ARHGEF2: variants seen among roughly 807,000 people sequenced by gnomAD.
ARHGEF2 encodes Rho/Rac guanine nucleotide exchange factor 2, also known as rho guanine nucleotide exchange factor 2.
ARHGEF2 carries 22 observed loss-of-function variants against 121.0 expected under a neutral mutation model. The ratio of observed to expected loss-of-function variants is 0.18; its 90% confidence interval spans 0.13 to 0.26. The LOEUF is 0.26. Among genes scored for constraint, ARHGEF2 ranks in the 10% least tolerant of loss-of-function variants. The pLI is 1.00. For missense variants in ARHGEF2, 907 were observed against 1,336.0 expected, an observed-to-expected ratio of 0.68 and a Z score of 5.01; for synonymous variants, 487 against 530.0, an observed-to-expected ratio of 0.92 and a Z score of 1.11.
intron 1 of ARHGEF2, among the ~76,000 whole-genome samples, chr1:155,972,876 A>T (rs939967677): frequency 6.6e-6 from 1 of 151,260 alleles, no homozygotes; most frequent in African/African-American, 2.4e-5. Flanking sequence ...TAATTTTTAA[A>T]TTTTTTTTGT....
At chr1:155,948,920 T>C (rs1319926768) in intron 21 of ARHGEF2, among the ~76,000 whole-genome samples, 1 of 152,130 alleles carries the variant, frequency 6.6e-6, no homozygotes, top group Non-Finnish European at 1.5e-5. Flanking sequence ...TAGCTAGGAC[T>C]ACAGGCTCAC....
rs1558011605 is a variant in ARHGEF2 at position 155,957,776 on chromosome 1, A to G, written c.1652T>C (p.Val551Ala). The G allele has an allele frequency of 6.2e-7, 1 of 1,614,104 alleles. No homozygotes were observed. The highest frequency in any genetic ancestry group is 1.1e-5 in the South Asian group (1 of 91,080). ...ISAAPPEMYE[V>A]HTASRDDRST... ...CCGGTCATCCCGGGATGCTGTGTGC[A>G]CCTCGTACATCTCAGGTGGGGCTGC... Residue 551 changes from valine (V) to alanine (A), a missense_variant, in exon 13 of 22, where the codon GTG becomes GCG. This residue lies in a region of ARHGEF2 where 475 missense variants were observed against 776.5 expected (regional missense o/e 0.61). Coordinates refer to ENST00000361247, the MANE Select transcript of ARHGEF2 (RefSeq NM_001162383.2).
upstream of ARHGEF2, chr1:155,978,978 C>T (rs745908630): frequency 1.0e-6 from 1 of 985,730 alleles, no homozygotes; most frequent in South Asian, 4.7e-5. This position sits in a 1 kb window ranked among gnomAD's most constrained non-coding sequence, Gnocchi z 4.1. Context: ...AAACCCAGGA[C>T]CAGTTCCTTC....
upstream of ARHGEF2, chr1:155,979,060 C>T (rs577847836): frequency 2.6e-3 from 2,605 of 985,748 alleles, 1 homozygote; most frequent in Non-Finnish European, 2.9e-3. Context: ...CAGGGGTGGC[C>T]AGAGGGAGAG....
intron 2 of ARHGEF2, chr1:155,968,264 C>T (rs1013486976): frequency 2.6e-5 from 4 of 151,632 alleles, no homozygotes; most frequent in Non-Finnish European, 4.4e-5. Flanking sequence ...GACAAAGCTC[C>T]CACAGCGTAG....
At position 155,962,704 on chromosome 1, in the gene ARHGEF2, A is replaced by T. The variant is rs1387347074; in HGVS notation, c.990T>A (p.Ser330Arg). ...AGTAGGTCTTACACATCTGCTCCGC[A>T]CTAGGACCTGAGAACTAGAAGTTGG... ...DLLISQFSGP[S>R]AEQMCKTYSE... The change falls in exon 9 of 22, where the codon AGT becomes AGA. Residue 330 changes from serine (S) to arginine (R), a missense_variant. Around this residue, in one of 2 missense-constraint regions of ARHGEF2, gnomAD observed 475 missense variants for 776.5 expected, o/e 0.61. Transcript: ENST00000361247. This position sits in a 1 kb window ranked among gnomAD's most constrained non-coding sequence, Gnocchi z 5.8. The T allele has an allele frequency of 6.2e-7, 1 of 1,614,116 alleles. No homozygotes were observed. The highest frequency in any genetic ancestry group is 1.7e-5 in the Admixed American group (1 of 60,028).
intron 4 of ARHGEF2, among the ~76,000 whole-genome samples, chr1:155,966,087 T>C (rs1679301936): frequency 6.6e-6 from 1 of 152,144 alleles, no homozygotes; most frequent in African/African-American, 2.4e-5. Flanking sequence ...CCATGCTCTT[T>C]CTGTTACACC....
intron 1 of ARHGEF2, among the ~76,000 whole-genome samples, chr1:155,976,519 AAAAC>A (rs796180808): frequency 1.6e-4 from 23 of 145,626 alleles, no homozygotes; most frequent in African/African-American, 5.8e-4. Context: ...ACCAAAAACA[AAAAC>A]AAAAACAGAG....
In ARHGEF2 at chr1:155,965,801, G is replaced by C. The variant is rs779830637; in HGVS notation, c.341-41C>G. 28 of 1,562,940 alleles carry C rather than the reference G, an allele frequency of 1.8e-5. No homozygotes were observed. The South Asian group carries it at 3.1e-4, about 17-fold the overall frequency. ...GCCCAGCAGGCAAACATCAGACTCT[G>C]GTGCTTCCCAGGATTGAGGCCTCCT... On this transcript the variant is annotated intron_variant, in intron 4 of 21. Transcript: ENST00000361247. The surrounding 1 kb of genome is among the most constrained non-coding windows in gnomAD (Gnocchi z 6.0).
chr1:155,947,260 A>G lies in ARHGEF2; in HGVS notation c.*682T>C. ...GACTTTGGTACAAAAAAGAAAACAA[A>G]AGAACAACAAAACATTCTGGTCCCT... On this transcript the variant is annotated 3_prime_UTR_variant, in exon 22 of 22. Coordinates refer to ENST00000361247, the MANE Select transcript of ARHGEF2 (RefSeq NM_001162383.2). 1 of 416,254 alleles carries G rather than the reference A, an allele frequency of 2.4e-6. No homozygotes were observed. Among genetic ancestry groups the G allele is most frequent in the South Asian group, 1.7e-5 (1 of 59,446 alleles). The allele number at this position is 416,254 out of a possible 1,614,324, so 25.8% of individuals were successfully genotyped here. A position where few individuals can be genotyped will look rare whatever the true frequency, so the allele number is the denominator to read the frequency against.
At position 155,978,351 on chromosome 1, in the gene ARHGEF2, G is replaced by A. The variant is rs1681709147; in HGVS notation, c.63+14C>T. 6.6e-7 allele frequency: 1 copy of A among 1,508,346 alleles called. No individual in the cohort carries two copies. Among genetic ancestry groups the A allele is most frequent in the Non-Finnish European group, 9.0e-7 (1 of 1,117,318 alleles). The allele number at this position is 1,508,346 out of a possible 1,614,324, so 93.4% of individuals were successfully genotyped here. On this transcript the variant is annotated intron_variant, in intron 1 of 21. Coordinates refer to ENST00000361247, the MANE Select transcript of ARHGEF2 (RefSeq NM_001162383.2). The surrounding 1 kb of genome is among the most constrained non-coding windows in gnomAD (Gnocchi z 4.1). ...CGAGGACCGCGGCGAAAGGAGAGGG[G>A]TTTCCGAGCCCACCTTGCTCGCCAG...
At chr1:155,975,026 C>G (rs987941560) in intron 1 of ARHGEF2, among the ~76,000 whole-genome samples, 8 of 150,408 alleles carry the variant, frequency 5.3e-5, no homozygotes, top group African/African-American at 2.0e-4. Context: ...CCGGAAGGGT[C>G]CAGCCAGCTC....
intron 1 of ARHGEF2, 169 bp from the exon 2 acceptor site, chr1:155,969,469 T>G (rs1042247247): frequency 2.8e-5 from 41 of 1,443,312 alleles, no homozygotes; most frequent in Non-Finnish European, 3.4e-5. Flanking sequence ...GAGGCAGCTG[T>G]CCGGGAGTGA....
chr1:155,974,499 G>A (rs1680992279), intron 1 of ARHGEF2, among the ~76,000 whole-genome samples: 2 of 152,134 alleles, frequency 1.3e-5, no homozygotes, highest in Non-Finnish European at 2.9e-5. Flanking sequence ...GTGGGACTGA[G>A]AAGAGGGCTT....
At chr1:155,964,167 A>AATATATATATATATATATATATATATAT (rs869033599) in intron 7 of ARHGEF2, among the ~76,000 whole-genome samples, 1 of 91,240 alleles carries the variant, frequency 1.1e-5, no homozygotes, top group African/African-American at 6.1e-5. Context: ...AAAAAAAAAA[A>AATATATATATATATATATATATATATAT]ATATATATAT....
rs1553236356 is a variant in ARHGEF2, at chr1:155,951,834, CCT to C, written c.2173-60_2173-59del. 17 of 1,613,170 alleles carry C rather than the reference CCT, an allele frequency of 1.1e-5. No individual in the cohort carries two copies. The highest frequency in any genetic ancestry group is 1.7e-5 in the Admixed American group (1 of 59,976). On this transcript the variant is annotated intron_variant, in intron 17 of 21. Transcript: ENST00000361247. The surrounding 1 kb of genome is among the most constrained non-coding windows in gnomAD (Gnocchi z 5.1). ...GGCACACAAATCCTGGGTGCCTGCC[CCT>C]GACAGCTTTGTGTTGAGGATCCAGA...
At chr1:155,957,603 C>A in intron 13 of ARHGEF2, 110 bp downstream of exon 13, 1 of 1,293,120 alleles carries the variant, frequency 7.7e-7, no homozygotes, top group Non-Finnish European at 1.0e-6. Context: ...TCAACCTCTT[C>A]CCCCACCTCT....
At chr1:155,977,501 G>A (rs1681507480) in intron 1 of ARHGEF2, among the ~76,000 whole-genome samples, 1 of 152,152 alleles carries the variant, frequency 6.6e-6, no homozygotes, top group Non-Finnish European at 1.5e-5. Context: ...GCAGATAAGA[G>A]AATGAGAGCG....
intron 1 of ARHGEF2, chr1:155,969,601 A>C: frequency 3.3e-6 from 4 of 1,217,470 alleles, no homozygotes; most frequent in Admixed American, 3.7e-5. Context: ...CTGCGTCCTC[A>C]CTCCACCTTC....
Sources: gnomAD v4.1 joint callset for allele counts (sites outside exome capture counted in the v4.1 genomes callset) on GRCh38, gnomAD v4.1.1 for gene constraint, gnomAD v4.1.1 regional missense constraint, Gnocchi (gnomAD v3.1) non-coding constraint, MANE v1.5 for transcripts, NCBI Gene and HGNC (gene_info 2026-07-23, HGNC 2026-07-21) for gene names.